The following GNAS variants were observed in gnomAD, a reference collection of about 807,000 sequenced individuals.
GNAS encodes protein ALEX.
Under a neutral mutation model 54.5 loss-of-function variants are expected in GNAS, and 8 were observed. That is an observed-to-expected ratio of 0.15 (90% CI 0.09 to 0.26). The LOEUF (loss-of-function observed/expected upper bound fraction) is 0.26, where lower values mean the gene tolerates loss of function less well. GNAS is among the 10% of genes least tolerant of loss of function. The probability of loss-of-function intolerance (pLI) is 1.00; values close to 1 mark genes in which losing one functional copy is unlikely to be tolerated. For synonymous variants in GNAS, 204 were observed against 191.4 expected (o/e 1.07, Z -0.54); for missense variants, 170 against 529.8 (o/e 0.32, Z 6.67).
At chr20:58,892,120 A>T in intron 1 of GNAS, 1 of 965,294 alleles carries the variant, frequency 1.0e-6, no homozygotes, top group East Asian at 1.2e-4. Flanking sequence ...CTGCCCGCTC[A>T]GTGTCTCTCT....
Position 58,877,769 on chromosome 20 carries a change from G to A in GNAS, c.44-17843G>A, listed in dbSNP as rs570849273. ...TGACTTCCCACCTCCCGGCCTTGCC[G>A]GTAATCCCTGCTCTGATTGGAGGCA... is the stretch of plus-strand genomic sequence containing the variant. On this transcript the variant is annotated intron_variant, in intron 1 of 12. Coordinates refer to the GNAS transcript ENST00000306090. Among the ~76,000 whole-genome samples, 215 of 152,338 alleles carry A rather than the reference G, an allele frequency of 1.4e-3. 1 individual carries two copies. Among genetic ancestry groups the A allele is most frequent in the African/African-American group, 2.4e-3 (99 of 41,576 alleles).
At chr20:58,852,598 T>G in intron 1 of GNAS, 1 of 178,248 alleles carries the variant, frequency 5.6e-6, no homozygotes, top group Non-Finnish European at 1.2e-5. Context: ...GAGGAGTCGG[T>G]TGGGTTGGGG....
intron 1 of GNAS, among the ~76,000 whole-genome samples, chr20:58,845,425 T>A (rs1005392149): frequency 1.3e-5 from 2 of 152,146 alleles, no homozygotes; most frequent in Non-Finnish European, 1.5e-5. Flanking sequence ...GACCCCACTG[T>A]CTGTTTATGC....
chr20:58,892,223 A>G (rs1251173683), intron 1 of GNAS: 1 of 944,806 alleles, frequency 1.1e-6, no homozygotes. Flanking sequence ...CGTGTTGGGG[A>G]GGGGGAGGGG....
chr20:58,885,951 TGCTCTGG>T (rs1451866442), intron 1 of GNAS, among the ~76,000 whole-genome samples: 2 of 152,260 alleles, frequency 1.3e-5, no homozygotes, highest in Non-Finnish European at 2.9e-5. Flanking sequence ...TAATTACATT[TGCTCTGG>T]GCTCTTGGAA....
intron 3 of GNAS, chr20:58,899,559 T>C: frequency 1.9e-6 from 1 of 536,914 alleles, no homozygotes; most frequent in South Asian, 1.5e-5. Context: ...TTACGTTAGC[T>C]TGGTGGATAA....
chr20:58,840,990 G>C lies in GNAS; in HGVS notation c.43+104G>C, dbSNP rs1047219979. 2 of 1,266,012 alleles carry C rather than the reference G, an allele frequency of 1.6e-6. No individual in the cohort carries two copies. Among genetic ancestry groups the C allele is most frequent in the South Asian group, 1.3e-5 (1 of 78,204 alleles). 78.4% of individuals were successfully genotyped at this position (1,266,012 alleles called of 1,614,324 possible). A position where few individuals can be genotyped will look rare whatever the true frequency, so the allele number is the denominator to read the frequency against. On this transcript the variant is annotated intron_variant, in intron 1 of 12. Coordinates refer to the GNAS transcript ENST00000306090. This position sits in a 1 kb window ranked among gnomAD's most constrained non-coding sequence, Gnocchi z 6.0. ...GGCAGGTCAGGGGCGAGTGGGAAGAGAGGAGGCTCAGCTGGTCAGCCTGGG... is the reference window on the plus strand; with the variant it reads ...GGCAGGTCAGGGGCGAGTGGGAAGACAGGAGGCTCAGCTGGTCAGCCTGGG...
intron 1 of GNAS, chr20:58,854,978 C>G (rs2086397293): frequency 6.2e-7 from 1 of 1,612,022 alleles, no homozygotes; most frequent in African/African-American, 1.3e-5. Context: ...GGGTGGCCAG[C>G]AGCGACGATG....
chr20:58,892,165 C>CT lies in GNAS; in HGVS notation c.139+303dup, dbSNP rs537340120. 5.7e-4 allele frequency: 555 copies of CT among 967,286 alleles called. 9 individuals carry two copies. The Admixed American group carries it at 0.024, about 42-fold the overall frequency. 59.9% of individuals were successfully genotyped at this position (967,286 alleles called of 1,614,324 possible). On this transcript the variant is annotated intron_variant, in intron 1 of 12. Coordinates refer to ENST00000371085, the MANE Select transcript of GNAS (RefSeq NM_000516.7). ...GCTCTCGCTCTCCCCCTCTTTCTCTCTTTCTCTCTTTTTCCGCGAGGCCTA... is the reference window on the plus strand; with the variant it reads ...GCTCTCGCTCTCCCCCTCTTTCTCTCTTTTCTCTCTTTTTCCGCGAGGCCTA...
At chr20:58,891,025 C>T (rs2089187159), upstream of GNAS, among the ~76,000 whole-genome samples, 1 of 150,920 alleles carries the variant, frequency 6.6e-6, no homozygotes, top group Non-Finnish European at 1.5e-5. Flanking sequence ...CGCCGGGCGA[C>T]GCGGTCCGGG....
chr20:58,907,837 T>C (rs1416210039), intron 6 of GNAS, among the ~76,000 whole-genome samples: 2 of 152,268 alleles, frequency 1.3e-5, no homozygotes, highest in East Asian at 3.8e-4. Flanking sequence ...ACTGCCTTTA[T>C]GTTAAAGTTC....
At chr20:58,868,730 CTCTCT>C (rs1274878838) in intron 1 of GNAS, among the ~76,000 whole-genome samples, 1 of 152,178 alleles carries the variant, frequency 6.6e-6, no homozygotes, top group Non-Finnish European at 1.5e-5. Flanking sequence ...CGCTCTCTCA[CTCTCT>C]TCTAAGATTT....
Position 58,853,436 on chromosome 20 carries a change from GC to G in GNAS, c.43+12553del. 6.2e-7 allele frequency: 1 copy of G among 1,607,516 alleles called. No homozygotes were observed. The highest frequency in any genetic ancestry group is 1.1e-5 in the South Asian group (1 of 90,096). On this transcript the variant is annotated intron_variant, in intron 1 of 12. Coordinates refer to the GNAS transcript ENST00000306090. This position sits in a 1 kb window ranked among gnomAD's most constrained non-coding sequence, Gnocchi z 4.4. Reference sequence around the variant, plus strand: ...TGGAGACCGAACCGCCTCACAACGAGCCCATCCCCGTCGAGAATGATGGCGA... The same window carrying G: ...TGGAGACCGAACCGCCTCACAACGAGCCATCCCCGTCGAGAATGATGGCGA...
At chr20:58,905,704 A>G (rs910079966) in intron 6 of GNAS, among the ~76,000 whole-genome samples, 5 of 152,212 alleles carry the variant, frequency 3.3e-5, no homozygotes, top group Non-Finnish European at 7.3e-5. Flanking sequence ...TTACATAAAC[A>G]TTTAAAGCCT....
upstream of GNAS, chr20:58,840,786 G>A (rs79709641): frequency 2.5e-6 from 4 of 1,611,578 alleles, no homozygotes; most frequent in Middle Eastern, 1.7e-4. The surrounding 1 kb of genome is among the most constrained non-coding windows in gnomAD (Gnocchi z 6.0). Flanking sequence ...CCCACCCGCC[G>A]TGACGCGTCC....
At chr20:58,868,583 C>T (rs955930691) in intron 1 of GNAS, among the ~76,000 whole-genome samples, 1 of 152,022 alleles carries the variant, frequency 6.6e-6, no homozygotes, top group Non-Finnish European at 1.5e-5. Context: ...AGAAGCAAGA[C>T]CATTAGGGCT....
rs1478169673 is a variant in GNAS, at chr20:58,854,712, C to T, written c.43+13826C>T. 17 of 1,532,796 alleles carry T rather than the reference C, an allele frequency of 1.1e-5. No homozygotes were observed. Among genetic ancestry groups the T allele is most frequent in the Middle Eastern group, 1.9e-4 (1 of 5,286 alleles). 94.9% of individuals were successfully genotyped at this position (1,532,796 alleles called of 1,614,324 possible). On this transcript the variant is annotated intron_variant, in intron 1 of 12. Transcript: ENST00000306090. ...CGCCGCCCCTGCGGCTGCTGAGACC[C>T]GGGCAGCCCATGTCGCCCCAGCTGC...
chr20:58,892,064 G>A (rs2089449121), intron 1 of GNAS, 199 bp downstream of exon 1: 1 of 950,962 alleles, frequency 1.1e-6, no homozygotes, highest in Non-Finnish European at 1.3e-6. Context: ...CTCAAAAACG[G>A]GGCGGGGGGC....
chr20:58,875,469 G>T (rs906478406), intron 1 of GNAS, among the ~76,000 whole-genome samples: 3 of 152,184 alleles, frequency 2.0e-5, no homozygotes, highest in Non-Finnish European at 4.4e-5. Flanking sequence ...AGAGGCATTG[G>T]GGGGAACAGG....
Sources: allele counts gnomAD v4.1 joint callset (sites outside exome capture counted in the v4.1 genomes callset), GRCh38; gene constraint gnomAD v4.1.1; non-coding constraint Gnocchi (gnomAD v3.1); transcripts MANE v1.5; gene names NCBI Gene and HGNC (gene_info 2026-07-23, HGNC 2026-07-21).